ASTN2: variants seen among roughly 807,000 people sequenced by gnomAD.
ASTN2 encodes the protein astrotactin 2, also known as astrotactin-2.
In ASTN2, 54 loss-of-function variants were observed where a neutral mutation model predicts 139.8. The observed-to-expected ratio is 0.39, with a 90% CI of 0.31 to 0.48. ASTN2 has a LOEUF of 0.48. Ranked by LOEUF, ASTN2 falls within the 20% of genes least tolerant of loss-of-function variation. The probability of loss-of-function intolerance (pLI) is 0.95; values close to 1 mark genes in which losing one functional copy is unlikely to be tolerated. For missense variants in ASTN2, 1,565 were observed against 1,725.1 expected, an observed-to-expected ratio of 0.91 and a Z score of 1.64; for synonymous variants, 756 against 719.5, an observed-to-expected ratio of 1.05 and a Z score of -0.81.
chr9:116,425,859 C>G lies in ASTN2; in HGVS notation c.4012G>C (p.Gly1338Arg), dbSNP rs772139443. 1 of 1,614,164 alleles carries G rather than the reference C, an allele frequency of 6.2e-7. No homozygotes were observed. Among genetic ancestry groups the G allele is most frequent in the Non-Finnish European group, 8.5e-7 (1 of 1,180,034 alleles). Residue 1338 changes from glycine (G) to arginine (R), a missense_variant, in exon 23 of 23, where the codon GGC becomes CGC. Transcript: ENST00000313400. Reference sequence around the variant, plus strand: ...GAGGGCAATACCCTCCCTCACCGGCCCTTGGACTCCCCGTACGTGTTTCGG... The same window carrying G: ...GAGGGCAATACCCTCCCTCACCGGCGCTTGGACTCCCCGTACGTGTTTCGG... ...MARNTYGESK[G>R]R
chr9:117,238,286 T>A, intron 2 of ASTN2, among the ~76,000 whole-genome samples: 1 of 151,932 alleles, frequency 6.6e-6, no homozygotes, highest in South Asian at 2.1e-4. Context: ...AAAGAGTGGG[T>A]CCCCTCTGCA....
At chr9:116,972,292 A>G (rs1176756962) in intron 10 of ASTN2, among the ~76,000 whole-genome samples, 1 of 152,130 alleles carries the variant, frequency 6.6e-6, no homozygotes, top group Admixed American at 6.6e-5. Context: ...AGATTCATCC[A>G]AGGTGCTATG....
rs770486164 is a variant in ASTN2, at chr9:117,414,799, AGCG to A, written c.137_139del (p.Pro46del). ...GGCAGCGGCGGTGGCGCCGGCCAGC[AGCG>A]GCGGCGGCGGCAGCAGGAGCAGGAA... On this transcript the variant is annotated inframe_deletion, in exon 1 of 23. Coordinates refer to ENST00000313400, the MANE Select transcript of ASTN2 (RefSeq NM_001365068.1). This position sits in a 1 kb window ranked among gnomAD's most constrained non-coding sequence, Gnocchi z 4.2. 167 of 1,230,506 alleles carry A rather than the reference AGCG, an allele frequency of 1.4e-4. No individual in the cohort carries two copies. Among genetic ancestry groups the A allele is most frequent in the South Asian group, 1.0e-3 (38 of 38,172 alleles). The allele number at this position is 1,230,506 out of a possible 1,614,324, so 76.2% of individuals were successfully genotyped here.
At chr9:116,514,153 T>C (rs1200168610) in intron 19 of ASTN2, among the ~76,000 whole-genome samples, 1 of 151,840 alleles carries the variant, frequency 6.6e-6, no homozygotes, top group Admixed American at 6.6e-5. Flanking sequence ...TGGTCTTTGA[T>C]GATGGTGACG....
At chr9:117,096,502 C>T (rs1349833623) in intron 4 of ASTN2, among the ~76,000 whole-genome samples, 1 of 152,194 alleles carries the variant, frequency 6.6e-6, no homozygotes, top group African/African-American at 2.4e-5. Context: ...GCAGTACATC[C>T]TAAACAACTG....
intron 7 of ASTN2, among the ~76,000 whole-genome samples, chr9:116,999,548 C>CTTTTTTTTTTTTTTTTT (rs71379248): frequency 2.1e-5 from 2 of 94,964 alleles, no homozygotes; most frequent in African/African-American, 4.9e-5. Context: ...TTCTCTCTTT[C>CTTTTTTTTTTTTTTTTT]TTTTTTTTTT....
intron 20 of ASTN2, among the ~76,000 whole-genome samples, chr9:116,485,739 C>A (rs976977139): frequency 6.6e-6 from 1 of 152,160 alleles, no homozygotes; most frequent in Non-Finnish European, 1.5e-5. Context: ...TTCACTGCCC[C>A]CCAGGTGACT....
chr9:117,122,504 TGGATACAA>T (rs1342662891), intron 4 of ASTN2, among the ~76,000 whole-genome samples: 1 of 152,136 alleles, frequency 6.6e-6, no homozygotes, highest in Non-Finnish European at 1.5e-5. Context: ...GCTCTGTATA[TGGATACAA>T]GGATACAAGC....
intron 2 of ASTN2, among the ~76,000 whole-genome samples, chr9:117,256,962 T>C (rs917115729): frequency 2.6e-5 from 4 of 151,890 alleles, no homozygotes; most frequent in African/African-American, 9.7e-5. Flanking sequence ...CCAAAAGATG[T>C]TTAGCTGGAA....
At chr9:117,020,889 T>A (rs1300531360) in intron 6 of ASTN2, among the ~76,000 whole-genome samples, 2 of 152,036 alleles carry the variant, frequency 1.3e-5, no homozygotes, top group East Asian at 3.9e-4. Context: ...ATAGATGTTA[T>A]CAAACGGAAA....
chr9:116,945,329 G>A (rs975135142), intron 10 of ASTN2, among the ~76,000 whole-genome samples: 1 of 152,090 alleles, frequency 6.6e-6, no homozygotes, highest in Admixed American at 6.5e-5. Flanking sequence ...AGTCACACAT[G>A]CAAATGGTAA....
chr9:117,244,097 C>T (rs1445606242), intron 2 of ASTN2, among the ~76,000 whole-genome samples: 1 of 152,160 alleles, frequency 6.6e-6, no homozygotes, highest in African/African-American at 2.4e-5. Context: ...CTCCTTCACA[C>T]ACTCATGCTC....
intron 2 of ASTN2, among the ~76,000 whole-genome samples, chr9:117,290,298 A>G (rs543226053): frequency 9.8e-5 from 15 of 152,376 alleles, no homozygotes; most frequent in Non-Finnish European, 1.8e-4. Flanking sequence ...TCCTGAGCCC[A>G]TTAGACTCTG....
At chr9:116,923,035 C>A (rs181090141) in intron 10 of ASTN2, among the ~76,000 whole-genome samples, 2 of 152,314 alleles carry the variant, frequency 1.3e-5, no homozygotes, top group Admixed American at 6.5e-5. Context: ...TATCTCATAA[C>A]AAACCCCAAC....
intron 1 of ASTN2, among the ~76,000 whole-genome samples, chr9:117,339,516 T>A (rs1255223857): frequency 6.6e-6 from 1 of 152,064 alleles, no homozygotes; most frequent in Non-Finnish European, 1.5e-5. Flanking sequence ...AAAAAGGAAC[T>A]CCTTTGCCAA....
chr9:117,411,866 C>T (rs1831170973), intron 1 of ASTN2, among the ~76,000 whole-genome samples: 1 of 152,202 alleles, frequency 6.6e-6, no homozygotes, highest in Non-Finnish European at 1.5e-5. Flanking sequence ...CTGCCCAACT[C>T]GCCAGAGACA....
rs1218309835 is a variant in ASTN2, at chr9:117,003,953, C to CGCGTGTGT, written c.1591+4138_1591+4139insACACACGC. On this transcript the variant is annotated intron_variant, in intron 7 of 22. Coordinates refer to ENST00000313400, the MANE Select transcript of ASTN2 (RefSeq NM_001365068.1). ...TGTGTTTCTTTCACGCGCGCGCGCGCGTGTGTGTGTGTGTGTGTGTGTGTT... is the reference window on the plus strand; with the variant it reads ...TGTGTTTCTTTCACGCGCGCGCGCGCGCGTGTGTGTGTGTGTGTGTGTGTGTGTGTGTT... Among the ~76,000 whole-genome samples, 219 of 146,278 alleles carry CGCGTGTGT rather than the reference C, an allele frequency of 1.5e-3. 2 individuals carry two copies. Among genetic ancestry groups the CGCGTGTGT allele is most frequent in the African/African-American group, 5.5e-3 (210 of 38,284 alleles).
intron 1 of ASTN2, among the ~76,000 whole-genome samples, chr9:117,350,322 G>A (rs1437612667): frequency 6.6e-6 from 1 of 152,132 alleles, no homozygotes; most frequent in African/African-American, 2.4e-5. Flanking sequence ...GCCGAGGTGG[G>A]TGGATTTCTT....
intron 19 of ASTN2, among the ~76,000 whole-genome samples, chr9:116,576,739 AAAAGAGGG>A (rs1853738473): frequency 6.6e-6 from 1 of 152,222 alleles, no homozygotes; most frequent in East Asian, 1.9e-4. Flanking sequence ...AATCTCAAAT[AAAAGAGGG>A]AAAGAGTACA....
Sources: gnomAD v4.1 joint callset for allele counts (sites outside exome capture counted in the v4.1 genomes callset) on GRCh38, gnomAD v4.1.1 for gene constraint, Gnocchi (gnomAD v3.1) non-coding constraint, MANE v1.5 for transcripts, NCBI Gene and HGNC (gene_info 2026-07-23, HGNC 2026-07-21) for gene names.